The following MEAK7 variants were observed in gnomAD, a reference collection of about 807,000 sequenced individuals.
MEAK7 encodes MTOR-associated protein MEAK7.
A neutral mutation model predicts 40.5 loss-of-function variants in MEAK7; 68 were observed. The ratio of observed to expected loss-of-function variants is 1.68; its 90% CI spans 1.38 to 2.06. The LOEUF (loss-of-function observed/expected upper bound fraction) is 2.06, where lower values mean the gene tolerates loss of function less well. MEAK7 is among the 30% of genes most tolerant of loss of function. MEAK7 has a pLI of 0.00. For synonymous variants in MEAK7, 338 were observed against 231.9 expected (o/e 1.46, Z -4.16); for missense variants, 918 against 580.5 (o/e 1.58, Z -5.98).
At chr16:84,492,886 T>A (rs1913743422) in intron 3 of MEAK7, among the ~76,000 whole-genome samples, 1 of 152,228 alleles carries the variant, frequency 6.6e-6, no homozygotes, top group Non-Finnish European at 1.5e-5. Context: ...CCAGCCTATA[T>A]CAAGTGTTTT....
At chr16:84,491,537 TTA>T (rs1491334718) in intron 3 of MEAK7, among the ~76,000 whole-genome samples, 1 of 11,660 alleles carries the variant, frequency 8.6e-5, no homozygotes. Context: ...AGACCCTGTC[TTA>T]AAAAAAAAAA....
At chr16:84,497,272 C>A in intron 2 of MEAK7, 1 of 518,926 alleles carries the variant, frequency 1.9e-6, no homozygotes, top group South Asian at 2.0e-5. Flanking sequence ...TCAGTCCGAG[C>A]ACTCAAACCT....
In MEAK7 at chr16:84,479,623, A is replaced by G. The variant is rs532243195; in HGVS notation, c.*290T>C. On this transcript the variant is annotated 3_prime_UTR_variant, in exon 8 of 8. Coordinates refer to ENST00000343629, the MANE Select transcript of MEAK7 (RefSeq NM_020947.4). The stretch of plus-strand genomic sequence containing the variant: ...TAGGATTTCGTTGGTAAAAAAGAAC[A>G]AAGTATAAGACTGAGTTACTAATTT... The G allele has an allele frequency of 1.0e-5, 3 of 293,110 alleles. No homozygotes were observed. The highest frequency in any genetic ancestry group is 1.6e-4 in the South Asian group (1 of 6,106). The allele number at this position is 293,110 out of a possible 1,614,324, so 18.2% of individuals were successfully genotyped here. A position where few individuals can be genotyped will look rare whatever the true frequency, so the allele number is the denominator to read the frequency against.
At chr16:84,488,481 G>C (rs1268373872) in intron 4 of MEAK7, 1 of 151,670 alleles carries the variant, frequency 6.6e-6, no homozygotes, top group Non-Finnish European at 1.5e-5. Flanking sequence ...CCCAACAACA[G>C]AATACACATT....
intron 1 of MEAK7, 25 bp downstream of exon 1, chr16:84,504,576 T>C (rs1046589763): frequency 2.0e-6 from 2 of 985,558 alleles, no homozygotes; most frequent in Non-Finnish European, 2.4e-6. Context: ...GTCAGCTCAC[T>C]GCGAACCTCA....
At chr16:84,496,413 G>T (rs1476709040) in intron 2 of MEAK7, among the ~76,000 whole-genome samples, 1 of 152,104 alleles carries the variant, frequency 6.6e-6, no homozygotes, top group Non-Finnish European at 1.5e-5. Context: ...TGGCTTTGGA[G>T]CTACCCCTCC....
At chr16:84,490,944 G>A (rs1281370744) in intron 3 of MEAK7, among the ~76,000 whole-genome samples, 1 of 149,268 alleles carries the variant, frequency 6.7e-6, no homozygotes, top group Non-Finnish European at 1.5e-5. Context: ...GAACCCCAAA[G>A]TTATAAACAG....
chr16:84,494,648 G>A (rs1555514156), intron 3 of MEAK7: 1 of 335,518 alleles, frequency 3.0e-6, no homozygotes, highest in Non-Finnish European at 5.8e-6. Context: ...TTTTTTGTTT[G>A]TTGTTTTTCT....
intron 3 of MEAK7, 31 bp downstream of exon 3, chr16:84,495,652 G>T: frequency 1.2e-6 from 2 of 1,608,380 alleles, no homozygotes; most frequent in Non-Finnish European, 1.7e-6. Context: ...GACTGCTGAG[G>T]AGGCTGCAAA....
chr16:84,481,980 A>G (rs1477891008), intron 6 of MEAK7, among the ~76,000 whole-genome samples: 1 of 152,136 alleles, frequency 6.6e-6, no homozygotes, highest in Non-Finnish European at 1.5e-5. Context: ...CAGCAGAGGA[A>G]AGAAATCAGC....
chr16:84,493,100 T>C (rs1052422976), intron 3 of MEAK7, among the ~76,000 whole-genome samples: 1 of 152,200 alleles, frequency 6.6e-6, no homozygotes, highest in African/African-American at 2.4e-5. Context: ...AAGTGTGTTA[T>C]TAGTATGTGT....
chr16:84,495,754 C>T lies in MEAK7; in HGVS notation c.313G>A (p.Glu105Lys), dbSNP rs777723026. The change falls in exon 3 of 8, where the codon GAG (glutamate) becomes AAG (lysine). Residue 105 changes from glutamate to lysine, a missense_variant. By Grantham distance (56) the Glu-to-Lys change is moderately conservative. Transcript: ENST00000343629. ...ATTTTCATAATCATGAGACTCTTCT[C>T]CTCGGAGTTTCCTTTCAACAGGTGG... The part of the protein sequence containing the change: ...MSHLLKGNSE[E>K]KSLMIMKMIS... 2 of 1,607,342 alleles carry T rather than the reference C, an allele frequency of 1.2e-6. No homozygotes were observed. Among genetic ancestry groups the T allele is most frequent in the South Asian group, 2.2e-5 (2 of 91,022 alleles).
intron 4 of MEAK7, chr16:84,488,509 A>T (rs1222827456): frequency 6.6e-6 from 1 of 152,214 alleles, no homozygotes; most frequent in Admixed American, 6.5e-5. Flanking sequence ...AATGTGCTTT[A>T]AACATTATCC....
Position 84,502,205 on chromosome 16 carries a change from G to A in MEAK7, c.-26+2396C>T, listed in dbSNP as rs569429614. Among the ~76,000 whole-genome samples the A allele has an allele frequency of 6.6e-5, 10 of 152,194 alleles. No individual in the cohort carries two copies. The South Asian group carries it at 1.2e-3, about 19-fold the overall frequency. On this transcript the variant is annotated intron_variant, in intron 1 of 7. Transcript: ENST00000343629. ...CTGACAGCGCACATCAAGGTTGCTT[G>A]TACCAGTGGAGCTCGACTGGAGCAG...
At chr16:84,504,558 G>A in intron 1 of MEAK7, 43 bp downstream of exon 1, 15 of 978,656 alleles carry the variant, frequency 1.5e-5, no homozygotes, top group Non-Finnish European at 1.8e-5. Context: ...CTGGGCCTGC[G>A]CCTCTGGGTC....
At chr16:84,501,067 C>A (rs1914457268) in intron 1 of MEAK7, among the ~76,000 whole-genome samples, 1 of 144,234 alleles carries the variant, frequency 6.9e-6, no homozygotes, top group Admixed American at 7.1e-5. Context: ...TACACTCCAG[C>A]CTGGGCAACA....
intron 1 of MEAK7, among the ~76,000 whole-genome samples, chr16:84,501,462 A>T (rs1206247331): frequency 6.6e-6 from 1 of 152,134 alleles, no homozygotes; most frequent in Non-Finnish European, 1.5e-5. Flanking sequence ...GGAGAACAGC[A>T]GCAGGGTGCA....
At chr16:84,503,056 A>G (rs772645107) in intron 1 of MEAK7, among the ~76,000 whole-genome samples, 1 of 152,202 alleles carries the variant, frequency 6.6e-6, no homozygotes, top group Non-Finnish European at 1.5e-5. Context: ...GATCACCATT[A>G]TCTGTTCACT....
At chr16:84,486,443 G>A in intron 5 of MEAK7, 188 bp downstream of exon 5, 3 of 1,399,976 alleles carry the variant, frequency 2.1e-6, no homozygotes, top group Non-Finnish European at 9.2e-7. Flanking sequence ...CACACGGCCT[G>A]TCCTGAAGAA....
Sources: allele counts gnomAD v4.1 joint callset (sites outside exome capture counted in the v4.1 genomes callset), GRCh38; gene constraint gnomAD v4.1.1; transcripts MANE v1.5; gene names NCBI Gene and HGNC (gene_info 2026-07-23, HGNC 2026-07-21).